The following POC1B variants were observed in gnomAD, a reference collection of about 807,000 sequenced individuals.
POC1B encodes the protein POC1 centriolar protein homolog B.
POC1B carries 44 observed loss-of-function variants against 60.6 expected under a neutral mutation model. That is an observed-to-expected ratio of 0.73 (90% CI 0.57 to 0.93). The LOEUF (loss-of-function observed/expected upper bound fraction) is 0.93. Among genes scored for constraint, POC1B ranks in the 40% least tolerant of loss-of-function variants. The pLI, the probability that POC1B is intolerant of heterozygous loss-of-function variation, is 0.00. For synonymous variants in POC1B, 180 were observed against 198.9 expected, an observed-to-expected ratio of 0.90 and a Z score of 0.80; for missense variants, 555 against 572.3, an observed-to-expected ratio of 0.97 and a Z score of 0.31.
intron 3 of POC1B, among the ~76,000 whole-genome samples, chr12:89,496,162 C>G (rs1193853641): frequency 6.6e-6 from 1 of 152,024 alleles, no homozygotes; most frequent in Non-Finnish European, 1.5e-5. Flanking sequence ...TGAAGGGAGA[C>G]AGTGACAGAT....
rs139916492 is a variant in POC1B, at chr12:89,471,722, T to G, written c.568A>C (p.Asn190His). 68 of 1,578,760 alleles carry G rather than the reference T, an allele frequency of 4.3e-5. No individual in the cohort carries two copies. In the East Asian group the frequency reaches 1.4e-3, roughly 34 times the overall value. ...CCACTAGGGTTAAAGTCCACAAAAT[T>G]TGCAAATCTAGGAGGAAAGAATAAG... Reference protein sequence around the residue: ...NNFSDSVGFANFVDFNPSGTC... With the variant: ...NNFSDSVGFAHFVDFNPSGTC... The change falls in exon 6 of 12, where the codon AAT becomes CAT. Residue 190 changes from asparagine (N) to histidine (H), a missense_variant. Asn to His is a moderately conservative substitution (Grantham distance 68). Transcript: ENST00000313546.
chr12:89,442,347 G>A (rs1275478707), intron 10 of POC1B, among the ~76,000 whole-genome samples: 5 of 152,180 alleles, frequency 3.3e-5, no homozygotes, highest in South Asian at 2.1e-4. Flanking sequence ...GTTAAGGGCA[G>A]GCAGAGAGAA....
intron 6 of POC1B, 93 bp downstream of exon 6, chr12:89,471,521 A>G: frequency 9.9e-7 from 1 of 1,008,126 alleles, no homozygotes; most frequent in South Asian, 1.4e-5. Flanking sequence ...CCATGACCCC[A>G]AGTAAGACAG....
chr12:89,477,716 G>T (rs73194520), intron 4 of POC1B, among the ~76,000 whole-genome samples: 13,378 of 152,096 alleles, frequency 0.088, 758 homozygotes, highest in Middle Eastern at 0.16. Context: ...AGCAACAAAA[G>T]TGATCTTTAA....
the POC1B span, among the ~76,000 whole-genome samples, chr12:89,409,216 T>C: frequency 2.0e-5 from 3 of 152,224 alleles, no homozygotes; most frequent in Non-Finnish European, 4.4e-5. Context: ...TCCTGAATGG[T>C]ATTGCCTAGG....
In POC1B at chr12:89,501,744, A is replaced by G. The variant is rs1869578054; in HGVS notation, c.101-4402T>C. 1.1e-5 allele frequency: 10 copies of G among 924,266 alleles called. No individual in the cohort carries two copies. The South Asian group carries it at 1.2e-4, about 11-fold the overall frequency. 57.3% of individuals were successfully genotyped at this position (924,266 alleles called of 1,614,324 possible). A position where few individuals can be genotyped will look rare whatever the true frequency, so the allele number is the denominator to read the frequency against. ...CTGTTTATAGCAATTCTTCAATAAG[A>G]AATGAATTACCACTGCATCACAACA... On this transcript the variant is annotated intron_variant, in intron 2 of 11. Coordinates refer to ENST00000313546, the MANE Select transcript of POC1B (RefSeq NM_172240.3).
intron 10 of POC1B, among the ~76,000 whole-genome samples, chr12:89,442,860 T>C (rs1185725165): frequency 1.3e-5 from 2 of 152,040 alleles, no homozygotes; most frequent in Non-Finnish European, 2.9e-5. Context: ...AGGAGACCCA[T>C]CTCATGTGCA....
Position 89,486,073 on chromosome 12 carries a change from C to T in POC1B, c.452+5863G>A, listed in dbSNP as rs1379880279. Among the ~76,000 whole-genome samples, 90 of 152,294 alleles carry T rather than the reference C, an allele frequency of 5.9e-4. 1 individual carries two copies. Among genetic ancestry groups the T allele is most frequent in the Non-Finnish European group, 2.5e-4 (17 of 68,028 alleles). On this transcript the variant is annotated intron_variant, in intron 4 of 11. Coordinates refer to ENST00000313546, the MANE Select transcript of POC1B (RefSeq NM_172240.3). ...CCACTCTTCATCTTGTTACCCCCTA[C>T]ATCATTTTTCTCCAGAGTACTTATC...
intron 10 of POC1B, among the ~76,000 whole-genome samples, chr12:89,446,022 G>C (rs1202561277): frequency 6.6e-6 from 1 of 152,184 alleles, no homozygotes; most frequent in Non-Finnish European, 1.5e-5. Flanking sequence ...ATCACTGGCT[G>C]TCAGAGAAAT....
At chr12:89,487,267 C>T (rs1260321236) in intron 4 of POC1B, among the ~76,000 whole-genome samples, 1 of 152,282 alleles carries the variant, frequency 6.6e-6, no homozygotes, top group East Asian at 1.9e-4. Context: ...GCACATGACA[C>T]GGAGAGGACA....
chr12:89,508,052 C>A (rs1869987702), intron 2 of POC1B, among the ~76,000 whole-genome samples: 1 of 152,248 alleles, frequency 6.6e-6, no homozygotes, highest in Non-Finnish European at 1.5e-5. Context: ...TAGTCCTTGG[C>A]AACCTGGTTC....
chr12:89,452,639 A>T (rs1041977150), intron 10 of POC1B, among the ~76,000 whole-genome samples: 13 of 152,268 alleles, frequency 8.5e-5, no homozygotes, highest in African/African-American at 1.7e-4. Flanking sequence ...AGTATATCTT[A>T]AAAAAATTGG....
chr12:89,414,079 G>T, the POC1B span, among the ~76,000 whole-genome samples: 1 of 152,068 alleles, frequency 6.6e-6, no homozygotes, highest in South Asian at 2.1e-4. Context: ...TTTTAGTAGA[G>T]ATGGGGTTTC....
intron 2 of POC1B, among the ~76,000 whole-genome samples, chr12:89,516,144 T>A (rs969820006): frequency 3.9e-5 from 6 of 152,234 alleles, no homozygotes; most frequent in African/African-American, 1.4e-4. Flanking sequence ...TATTTAATAT[T>A]GTCTCTATCT....
At chr12:89,422,566 G>A (rs1044314766) in intron 11 of POC1B, among the ~76,000 whole-genome samples, 3 of 152,214 alleles carry the variant, frequency 2.0e-5, no homozygotes, top group Admixed American at 6.5e-5. Context: ...AAGACTACAG[G>A]TGGTGGCCTA....
At chr12:89,490,801 T>C (rs1451139295) in intron 4 of POC1B, among the ~76,000 whole-genome samples, 1 of 152,170 alleles carries the variant, frequency 6.6e-6, no homozygotes, top group Non-Finnish European at 1.5e-5. Context: ...TCTGGAGTTC[T>C]TCCTGACTTT....
chr12:89,512,860 T>C (rs946754648), intron 2 of POC1B, among the ~76,000 whole-genome samples: 5 of 152,170 alleles, frequency 3.3e-5, no homozygotes, highest in East Asian at 1.9e-4. Flanking sequence ...GTAATATAGA[T>C]GAAAAGTGAA....
intron 2 of POC1B, among the ~76,000 whole-genome samples, chr12:89,504,004 C>T (rs1233944413): frequency 6.7e-6 from 1 of 149,318 alleles, no homozygotes; most frequent in Admixed American, 6.6e-5. Context: ...CGCCTCTGCC[C>T]GGCCGCCGCC....
chr12:89,433,603 G>A (rs1336929837), intron 10 of POC1B, among the ~76,000 whole-genome samples: 1 of 152,198 alleles, frequency 6.6e-6, no homozygotes, highest in African/African-American at 2.4e-5. Flanking sequence ...CCAGACACAG[G>A]GAGCAGGCAG....
Sources: allele counts gnomAD v4.1 joint callset (sites outside exome capture counted in the v4.1 genomes callset), GRCh38; gene constraint gnomAD v4.1.1; transcripts MANE v1.5; gene names NCBI Gene and HGNC (gene_info 2026-07-23, HGNC 2026-07-21).